The following FCN2 variants were observed in gnomAD, a reference collection of about 807,000 sequenced individuals.
FCN2 encodes ficolin-2.
Under a neutral mutation model 32.5 loss-of-function variants are expected in FCN2, and 31 were observed. The observed-to-expected ratio is 0.96, with a 90% CI of 0.72 to 1.29. The LOEUF (loss-of-function observed/expected upper bound fraction) is 1.29, where lower values mean the gene tolerates loss of function less well. Ranked by LOEUF, FCN2 falls within the 50% of genes most tolerant of loss-of-function variation. The probability of loss-of-function intolerance (pLI) is 0.00; values close to 1 mark genes in which losing one functional copy is unlikely to be tolerated. For missense variants in FCN2, 412 were observed against 406.5 expected (o/e 1.01, Z -0.12); for synonymous variants, 181 against 164.5 (o/e 1.10, Z -0.77).
rs747074966 is a variant in FCN2 at position 134,884,777 on chromosome 9, C to T, written c.301+5C>T. 2 of 1,613,830 alleles carry T rather than the reference C, an allele frequency of 1.2e-6. No homozygotes were observed. Among genetic ancestry groups the T allele is most frequent in the East Asian group, 2.2e-5 (1 of 44,886 alleles). On this transcript the variant is annotated splice_donor_5th_base_variant and intron_variant, in intron 4 of 7. Transcript: ENST00000291744. ...AGCCCCAGCCGTGCCTGACAGGTGACTGACCACCCCCACACTCCTCCCACG... is the reference window on the plus strand; with the variant it reads ...AGCCCCAGCCGTGCCTGACAGGTGATTGACCACCCCCACACTCCTCCCACG...
chr9:134,880,647 G>A (rs1434927821), upstream of FCN2, among the ~76,000 whole-genome samples: 3 of 152,198 alleles, frequency 2.0e-5, no homozygotes, highest in East Asian at 3.9e-4. Flanking sequence ...GGATCCCCAA[G>A]GGGCGGGGGG....
chr9:134,885,676 A>G, intron 5 of FCN2, 92 bp from the exon 6 acceptor site: 1 of 1,571,762 alleles, frequency 6.4e-7, no homozygotes, highest in Non-Finnish European at 8.7e-7. Context: ...TGCTCTGCCA[A>G]CTACAAATGC....
intron 3 of FCN2, among the ~76,000 whole-genome samples, chr9:134,884,098 C>T (rs1198361331): frequency 1.3e-5 from 2 of 151,962 alleles, no homozygotes; most frequent in East Asian, 1.9e-4. Flanking sequence ...GGATCAGCCC[C>T]GGATGGCTTG....
chr9:134,881,772 C>T (rs3128625), intron 1 of FCN2, among the ~76,000 whole-genome samples: 47,528 of 152,030 alleles, frequency 0.31, 7,786 homozygotes, highest in South Asian at 0.39. Context: ...CCTAGTGGCT[C>T]GTTGTGGAGT....
chr9:134,871,576 G>A, the FCN2 span, among the ~76,000 whole-genome samples: 235 of 152,320 alleles, frequency 1.5e-3, no homozygotes, highest in Middle Eastern at 0.01. Flanking sequence ...GACCCTTCGG[G>A]ACCAGGGAGC....
At chr9:134,869,500 G>GTCTC in the FCN2 span, among the ~76,000 whole-genome samples, 1,998 of 152,248 alleles carry the variant, frequency 0.013, 38 homozygotes, top group South Asian at 0.092. Flanking sequence ...CCCAGCCTCG[G>GTCTC]TCTCTCTCCC....
intron 4 of FCN2, 116 bp downstream of exon 4, chr9:134,884,888 T>C: frequency 3.1e-6 from 3 of 978,852 alleles, no homozygotes; most frequent in Non-Finnish European, 4.8e-6. Context: ...AAGAAAATGG[T>C]TGCTTGCCCG....
the FCN2 span, among the ~76,000 whole-genome samples, chr9:134,870,798 G>A: frequency 6.6e-6 from 1 of 152,006 alleles, no homozygotes; most frequent in Non-Finnish European, 1.5e-5. The surrounding 1 kb of genome is among the most constrained non-coding windows in gnomAD (Gnocchi z 4.3). Flanking sequence ...GAGGTTTTAG[G>A]ACGAAGGTGG....
upstream of FCN2, among the ~76,000 whole-genome samples, chr9:134,878,568 C>T (rs1211516778): frequency 1.3e-5 from 2 of 152,176 alleles, no homozygotes; most frequent in South Asian, 2.1e-4. Flanking sequence ...TAGGGCCTGG[C>T]GCGGTGGCTC....
the FCN2 span, among the ~76,000 whole-genome samples, chr9:134,873,373 C>A: frequency 6.6e-6 from 1 of 152,130 alleles, no homozygotes; most frequent in African/African-American, 2.4e-5. Context: ...TTGTCTTTTC[C>A]AGCTTTTAGA....
chr9:134,884,873 A>T (rs12685659), intron 4 of FCN2, 101 bp downstream of exon 4: 108,713 of 1,068,764 alleles, frequency 0.1, 6,197 homozygotes, highest in East Asian at 0.16. Context: ...GACAAATATG[A>T]ACAGAAGAAA....
chr9:134,881,289 C>T (rs1298469964), intron 1 of FCN2, among the ~76,000 whole-genome samples: 2 of 152,150 alleles, frequency 1.3e-5, no homozygotes, highest in Admixed American at 1.3e-4. Flanking sequence ...TGGTCGCCAT[C>T]ACAGAGAGAC....
In FCN2 at chr9:134,885,275, A is replaced by G; in HGVS notation, c.338A>G (p.His113Arg). Residue 113 changes from histidine to arginine, a missense_variant, in exon 5 of 8, where the codon CAC becomes CGC. Coordinates refer to ENST00000291744, the MANE Select transcript of FCN2 (RefSeq NM_004108.3). ...TGCAAGGACCTGCTAGACCGAGGGC[A>G]CTTCCTGAGCGGCTGGCACACCATC... is the stretch of plus-strand genomic sequence containing the variant. ...RTCKDLLDRGHFLSGWHTIYL... is the reference protein window; with the variant it reads ...RTCKDLLDRGRFLSGWHTIYL... 6.2e-7 allele frequency: 1 copy of G among 1,614,124 alleles called. No individual in the cohort carries two copies. The highest frequency in any genetic ancestry group is 1.1e-5 in the South Asian group (1 of 91,082).
At chr9:134,884,693 C>G in intron 3 of FCN2, 47 bp from the exon 4 acceptor site, 1 of 1,602,606 alleles carries the variant, frequency 6.2e-7, no homozygotes, top group Non-Finnish European at 8.5e-7. Context: ...CTGAAGGGCT[C>G]TGATTTCCAA....
At chr9:134,886,084 G>A (rs1013060041) in intron 6 of FCN2, among the ~76,000 whole-genome samples, 187 bp downstream of exon 6, 8 of 152,206 alleles carry the variant, frequency 5.3e-5, no homozygotes, top group African/African-American at 1.7e-4. Context: ...GCATCGGGAC[G>A]GGAGAGGGTC....
intron 3 of FCN2, among the ~76,000 whole-genome samples, 198 bp from the exon 4 acceptor site, chr9:134,884,542 G>A (rs1830714495): frequency 6.6e-6 from 1 of 152,228 alleles, no homozygotes; most frequent in African/African-American, 2.4e-5. Context: ...AGGGGTGCAT[G>A]TGGTGGAGGG....
the FCN2 span, among the ~76,000 whole-genome samples, chr9:134,866,638 T>C: frequency 2.7e-5 from 4 of 149,392 alleles, no homozygotes; most frequent in African/African-American, 9.8e-5. Flanking sequence ...AATTGACAAA[T>C]GGGATCTAAT....
chr9:134,868,739 A>G, the FCN2 span, among the ~76,000 whole-genome samples: 1 of 152,134 alleles, frequency 6.6e-6, no homozygotes, highest in African/African-American at 2.4e-5. This position sits in a 1 kb window ranked among gnomAD's most constrained non-coding sequence, Gnocchi z 4.3. Context: ...CTCACAGACA[A>G]TGGTGGGATG....
At chr9:134,868,016 G>A in the FCN2 span, among the ~76,000 whole-genome samples, 1 of 152,206 alleles carries the variant, frequency 6.6e-6, no homozygotes, top group Non-Finnish European at 1.5e-5. This position sits in a 1 kb window ranked among gnomAD's most constrained non-coding sequence, Gnocchi z 4.3. Flanking sequence ...AGAGCACAAA[G>A]CTCAGAGGAG....
Sources: gnomAD v4.1 joint callset for allele counts (sites outside exome capture counted in the v4.1 genomes callset) on GRCh38, gnomAD v4.1.1 for gene constraint, Gnocchi (gnomAD v3.1) non-coding constraint, MANE v1.5 for transcripts, NCBI Gene and HGNC (gene_info 2026-07-23, HGNC 2026-07-21) for gene names.